GIGYF2: variants seen among roughly 807,000 people sequenced by gnomAD.
GIGYF2 encodes GRB10-interacting GYF protein 2.
GIGYF2 carries 25 observed loss-of-function variants against 208.1 expected under a neutral mutation model. That is an observed-to-expected ratio of 0.12 (90% CI 0.09 to 0.17). The LOEUF is 0.17. Among genes scored for constraint, GIGYF2 ranks in the 10% least tolerant of loss-of-function variants. GIGYF2 has a pLI of 1.00. For missense variants in GIGYF2, 1,302 were observed against 1,579.4 expected (o/e 0.82, Z 2.98); for synonymous variants, 534 against 543.8 (o/e 0.98, Z 0.25).
intron 21 of GIGYF2, among the ~76,000 whole-genome samples, chr2:232,822,090 A>G (rs1701101577): frequency 1.3e-5 from 2 of 152,098 alleles, no homozygotes; most frequent in South Asian, 4.1e-4. Flanking sequence ...TTTTTATTCA[A>G]GACTGCTTGA....
chr2:232,817,131 A>AG, intron 20 of GIGYF2, 99 bp downstream of exon 20: 3 of 950,692 alleles, frequency 3.2e-6, no homozygotes, highest in South Asian at 1.3e-5. Context: ...AGTCCACAGG[A>AG]TTGGGGTTAG....
At chr2:232,753,447 T>C (rs148529216) in intron 5 of GIGYF2, among the ~76,000 whole-genome samples, 1,993 of 152,142 alleles carry the variant, frequency 0.013, 22 homozygotes, top group Non-Finnish European at 0.02. Context: ...TTAGTGGAGA[T>C]GGTGTTTTGC....
chr2:232,761,234 T>G (rs1185871123), intron 7 of GIGYF2, among the ~76,000 whole-genome samples, 162 bp from the exon 8 acceptor site: 1 of 152,214 alleles, frequency 6.6e-6, no homozygotes. Context: ...TTTTTATCTT[T>G]GTGCTTTTCT....
In GIGYF2 at chr2:232,815,685, C is replaced by T. The variant is rs746604581; in HGVS notation, c.2156C>T (p.Pro719Leu). Residue 719 changes from proline (P) to leucine (L), a missense_variant, in exon 19 of 29, where the codon CCA (proline) becomes CTA (leucine). This residue lies in a region of GIGYF2 where 701 missense variants were observed against 793.0 expected (regional missense o/e 0.88). Transcript: ENST00000373563. ...GATCTTCCTCTGGACACCACGACACCAGGCCCTGCCCTGGAACAGCTTCAG... is the reference window on the plus strand; with the variant it reads ...GATCTTCCTCTGGACACCACGACACTAGGCCCTGCCCTGGAACAGCTTCAG... ...VWDLPLDTTT[P>L]GPALEQLQQL... 6.2e-7 allele frequency: 1 copy of T among 1,609,082 alleles called. No individual in the cohort carries two copies. Among genetic ancestry groups the T allele is most frequent in the South Asian group, 1.1e-5 (1 of 90,998 alleles).
rs141450650 is a variant in GIGYF2, at chr2:232,845,399, T to C, written c.3306-333T>C. ...TTTCATAGAACATCTTTATTACTTA[T>C]GATAACCCAAAAAAGTTGTTAGTAC... On this transcript the variant is annotated intron_variant, in intron 25 of 28. Coordinates refer to ENST00000373563, the MANE Select transcript of GIGYF2 (RefSeq NM_001103146.3). Among the ~76,000 whole-genome samples the C allele has an allele frequency of 9.8e-3, 1,488 of 152,286 alleles. 35 individuals are homozygous for C. The highest frequency in any genetic ancestry group is 0.054 in the Admixed American group (826 of 15,288).
chr2:232,803,560 C>T (rs932684722), intron 14 of GIGYF2, among the ~76,000 whole-genome samples: 8 of 151,854 alleles, frequency 5.3e-5, no homozygotes, highest in East Asian at 1.9e-4. Flanking sequence ...CCGTTTGCTT[C>T]GGGACCAAGA....
rs1469644203 is a variant in GIGYF2, at chr2:232,790,766, G to T, written c.781G>T (p.Asp261Tyr). ...RRRRFEFDFRDRDDERGYRRV... is the reference protein window; with the variant it reads ...RRRRFEFDFRYRDDERGYRRV... ...TCGGAGGTTTGAGTTTGATTTTCGA[G>T]ATAGAGATGATGAACGGGGTTACCG... The change falls in exon 10 of 29, where the codon GAT becomes TAT. Residue 261 changes from aspartate (D) to tyrosine (Y), a missense_variant. Coordinates refer to ENST00000373563, the MANE Select transcript of GIGYF2 (RefSeq NM_001103146.3). 6.2e-7 allele frequency: 1 copy of T among 1,614,164 alleles called. No individual in the cohort carries two copies. The highest frequency in any genetic ancestry group is 1.1e-5 in the South Asian group (1 of 91,088).
In GIGYF2 at chr2:232,771,368, G is replaced by A. The variant is rs749819205; in HGVS notation, c.532+9932G>A. 4 of 1,596,766 alleles carry A rather than the reference G, an allele frequency of 2.5e-6. No individual in the cohort carries two copies. The Admixed American group carries it at 6.7e-5, about 27-fold the overall frequency. ...TTGCAATTACTGCTGTCCATCTCAG[G>A]CTGTATTTCTCTAAAATCAAGAGTA... On this transcript the variant is annotated intron_variant, in intron 8 of 28. Coordinates refer to ENST00000373563, the MANE Select transcript of GIGYF2 (RefSeq NM_001103146.3).
Position 232,819,848 on chromosome 2 carries a change from C to A in GIGYF2, c.2392C>A (p.Arg798=). ...RKQEEALRRQ[R]EQEIALRRQR... Reference sequence around the variant, plus strand: ...TTAGGAAGAGGCTCTGCGTCGCCAGCGGGAGCAAGAAATTGCATTAAGGCG... The same window carrying A: ...TTAGGAAGAGGCTCTGCGTCGCCAGAGGGAGCAAGAAATTGCATTAAGGCG... The change falls in exon 21 of 29, where the codon CGG becomes AGG. Residue 798 remains arginine (R), a synonymous_variant. Coordinates refer to ENST00000373563, the MANE Select transcript of GIGYF2 (RefSeq NM_001103146.3). 6.9e-7 allele frequency: 1 copy of A among 1,450,886 alleles called. No individual in the cohort carries two copies. The highest frequency in any genetic ancestry group is 9.2e-7 in the Non-Finnish European group (1 of 1,082,322). 89.9% of individuals were successfully genotyped at this position (1,450,886 alleles called of 1,614,324 possible). A position where few individuals can be genotyped will look rare whatever the true frequency, so the allele number is the denominator to read the frequency against.
chr2:232,700,028 A>C (rs1695776269), intron 1 of GIGYF2, among the ~76,000 whole-genome samples: 1 of 152,180 alleles, frequency 6.6e-6, no homozygotes, highest in Admixed American at 6.5e-5. Context: ...GCTTTCATAA[A>C]TGTCCTCTTT....
At chr2:232,836,310 A>AC (rs1701614310) in intron 22 of GIGYF2, among the ~76,000 whole-genome samples, 3 of 20,642 alleles carry the variant, frequency 1.5e-4, no homozygotes, top group Admixed American at 6.9e-4. Flanking sequence ...ATATATATAT[A>AC]TATATATATA....
chr2:232,825,800 A>G (rs1701229041), intron 21 of GIGYF2, among the ~76,000 whole-genome samples: 1 of 151,794 alleles, frequency 6.6e-6, no homozygotes, highest in African/African-American at 2.4e-5. Flanking sequence ...TGGTTTGTGT[A>G]CCCATCAACT....
At chr2:232,701,340 A>T (rs1438298558) in intron 1 of GIGYF2, among the ~76,000 whole-genome samples, 1 of 151,686 alleles carries the variant, frequency 6.6e-6, no homozygotes, top group East Asian at 2.0e-4. Context: ...GGCTCACTAC[A>T]GCCTGTGATA....
chr2:232,760,258 T>G, intron 6 of GIGYF2: 1 of 509,080 alleles, frequency 2.0e-6, no homozygotes, highest in Non-Finnish European at 3.5e-6. Flanking sequence ...TTGCATTATA[T>G]TATGTTAGTT....
rs746113536 is a variant in GIGYF2, at chr2:232,855,871, C to T, written c.3833-922C>T. Among the ~76,000 whole-genome samples the T allele has an allele frequency of 2.6e-5, 4 of 152,252 alleles. No individual in the cohort carries two copies. The South Asian group carries it at 8.3e-4, about 32-fold the overall frequency. ...GGGCCAGCCCAGCCTGTCCTTGATACACACTCACATCCCATTCTTTTCTCT... is the reference window on the plus strand; with the variant it reads ...GGGCCAGCCCAGCCTGTCCTTGATATACACTCACATCCCATTCTTTTCTCT... On this transcript the variant is annotated intron_variant, in intron 28 of 28. Coordinates refer to ENST00000373563, the MANE Select transcript of GIGYF2 (RefSeq NM_001103146.3).
At chr2:232,783,486 G>T (rs537145391) in intron 8 of GIGYF2, among the ~76,000 whole-genome samples, 4 of 152,060 alleles carry the variant, frequency 2.6e-5, no homozygotes, top group Non-Finnish European at 5.9e-5. Context: ...GAGGGGGTTG[G>T]AGGTGTTGTG....
chr2:232,815,072 G>A (rs969712398), intron 18 of GIGYF2, among the ~76,000 whole-genome samples: 40 of 152,150 alleles, frequency 2.6e-4, no homozygotes, highest in African/African-American at 7.0e-4. Flanking sequence ...CTTTCCAGAG[G>A]TCTCCACAGC....
At chr2:232,712,526 A>G (rs779447876) in intron 2 of GIGYF2, among the ~76,000 whole-genome samples, 4 of 152,214 alleles carry the variant, frequency 2.6e-5, no homozygotes, top group Admixed American at 1.3e-4. Context: ...GTTTGTTGCA[A>G]TTAACTTCAG....
intron 8 of GIGYF2, among the ~76,000 whole-genome samples, chr2:232,784,564 C>G (rs1482357819): frequency 4.0e-5 from 6 of 148,392 alleles, no homozygotes; most frequent in Non-Finnish European, 7.4e-5. Context: ...CTAATTTTTT[C>G]TATTTTTAGT....
Sources: allele counts gnomAD v4.1 joint callset (sites outside exome capture counted in the v4.1 genomes callset), GRCh38; gene constraint gnomAD v4.1.1; regional missense constraint gnomAD v4.1.1; transcripts MANE v1.5; gene names NCBI Gene and HGNC (gene_info 2026-07-23, HGNC 2026-07-21).